Variants in NR3C2 observed in about 807,000 individuals in gnomAD.
NR3C2 encodes mineralocorticoid receptor.
NR3C2 carries 15 observed loss-of-function variants against 86.4 expected under a neutral mutation model. The ratio of observed to expected loss-of-function variants is 0.17; its 90% confidence interval spans 0.12 to 0.27. The LOEUF is 0.27. NR3C2 is among the 10% of genes least tolerant of loss of function. NR3C2 has a pLI of 1.00. For missense variants in NR3C2, 960 were observed against 1,195.6 expected (o/e 0.80, Z 2.91); for synonymous variants, 458 against 450.5 (o/e 1.02, Z -0.21).
At chr4:148,235,103 G>T (rs2149841238) in intron 3 of NR3C2, among the ~76,000 whole-genome samples, 1 of 152,082 alleles carries the variant, frequency 6.6e-6, no homozygotes. Flanking sequence ...AACTATTTAG[G>T]ACATTAAAAT....
intron 3 of NR3C2, among the ~76,000 whole-genome samples, chr4:148,202,477 C>T (rs796715988): frequency 2.6e-5 from 4 of 152,366 alleles, no homozygotes; most frequent in African/African-American, 9.6e-5. Context: ...CCTGATCCAG[C>T]TGTTCCCTTG....
intron 2 of NR3C2, among the ~76,000 whole-genome samples, chr4:148,332,225 A>T (rs1169275025): frequency 6.6e-6 from 1 of 152,234 alleles, no homozygotes; most frequent in Admixed American, 6.5e-5. Flanking sequence ...ATGTTCAATA[A>T]ATCTATGCAA....
At chr4:148,388,569 A>G (rs1208619990) in intron 2 of NR3C2, among the ~76,000 whole-genome samples, 1 of 152,220 alleles carries the variant, frequency 6.6e-6, no homozygotes, top group South Asian at 2.1e-4. Context: ...ACATCAAACT[A>G]TATCAACCAT....
chr4:148,276,346 T>C (rs1054934513), intron 2 of NR3C2, among the ~76,000 whole-genome samples: 6 of 152,292 alleles, frequency 3.9e-5, no homozygotes, highest in Admixed American at 3.3e-4. Context: ...GTTATTTATA[T>C]ACCTACAACT....
At chr4:148,334,966 T>G (rs1744407505) in intron 2 of NR3C2, among the ~76,000 whole-genome samples, 1 of 152,204 alleles carries the variant, frequency 6.6e-6, no homozygotes, top group Non-Finnish European at 1.5e-5. Context: ...CATCTTTACA[T>G]GACATTCTCG....
intron 3 of NR3C2, among the ~76,000 whole-genome samples, chr4:148,204,155 T>C (rs1041990050): frequency 3.3e-5 from 5 of 152,184 alleles, no homozygotes; most frequent in African/African-American, 1.2e-4. Context: ...TAAAAGATAA[T>C]CAAAGATAAT....
intron 4 of NR3C2, among the ~76,000 whole-genome samples, chr4:148,176,973 T>G (rs1045152332): frequency 6.6e-6 from 1 of 152,230 alleles, no homozygotes; most frequent in African/African-American, 2.4e-5. Context: ...GTTTCTTATT[T>G]TCATGACCTA....
intron 2 of NR3C2, among the ~76,000 whole-genome samples, chr4:148,268,518 TAAATACCTTGGAAAATAATTAA>T (rs1740511603): frequency 6.6e-6 from 1 of 152,188 alleles, no homozygotes; most frequent in African/African-American, 2.4e-5. Context: ...TTCGAGGAGA[TAAATACCTTGGAAAATAATTAA>T]AAATACCTTG....
intron 2 of NR3C2, among the ~76,000 whole-genome samples, chr4:148,408,032 A>G (rs909790581): frequency 5.3e-5 from 8 of 152,188 alleles, no homozygotes; most frequent in Non-Finnish European, 1.0e-4. Flanking sequence ...ACACACCCTT[A>G]GAAGAGCACT....
At chr4:148,385,447 C>T (rs1747213844) in intron 2 of NR3C2, among the ~76,000 whole-genome samples, 1 of 152,210 alleles carries the variant, frequency 6.6e-6, no homozygotes, top group African/African-American at 2.4e-5. Flanking sequence ...CTTAATTATT[C>T]ATTGTGACTC....
At chr4:148,155,352 A>G (rs1419381120) in intron 4 of NR3C2, among the ~76,000 whole-genome samples, 1 of 152,214 alleles carries the variant, frequency 6.6e-6, no homozygotes, top group African/African-American at 2.4e-5. Flanking sequence ...ATGATTGTAT[A>G]TCTAGAAAAC....
At chr4:148,111,556 T>A (rs1732046800) in intron 8 of NR3C2, among the ~76,000 whole-genome samples, 3 of 152,222 alleles carry the variant, frequency 2.0e-5, no homozygotes. Context: ...TGTAATAGCC[T>A]CCAAGCTGGT....
At chr4:148,357,198 TC>T in intron 2 of NR3C2, among the ~76,000 whole-genome samples, 1 of 152,114 alleles carries the variant, frequency 6.6e-6, no homozygotes, top group East Asian at 1.9e-4. Context: ...TACTTTTGAA[TC>T]AAAAAATACA....
intron 2 of NR3C2, among the ~76,000 whole-genome samples, chr4:148,428,525 A>G (rs1385910634): frequency 1.3e-5 from 2 of 152,196 alleles, no homozygotes; most frequent in African/African-American, 4.8e-5. Flanking sequence ...AAAAGAGTAG[A>G]TGCCAGTAAC....
chr4:148,407,746 A>G (rs1166757176), intron 2 of NR3C2, among the ~76,000 whole-genome samples: 1 of 152,142 alleles, frequency 6.6e-6, no homozygotes, highest in Non-Finnish European at 1.5e-5. Context: ...CCATTTTTAC[A>G]TTAGTTAGGA....
intron 3 of NR3C2, 156 bp downstream of exon 3, chr4:148,259,822 G>A (rs769876069): frequency 1.1e-6 from 1 of 899,442 alleles, no homozygotes; most frequent in Admixed American, 2.4e-5. Context: ...AAAATCTCCA[G>A]GTGGTTTTTA....
chr4:148,363,566 C>T (rs1468659423), intron 2 of NR3C2, among the ~76,000 whole-genome samples: 3 of 131,608 alleles, frequency 2.3e-5, no homozygotes, highest in Non-Finnish European at 4.7e-5. Flanking sequence ...TGCAGTGGCG[C>T]TATCTCAGCT....
At chr4:148,251,493 TG>T (rs1372348110) in intron 3 of NR3C2, among the ~76,000 whole-genome samples, 1 of 152,130 alleles carries the variant, frequency 6.6e-6, no homozygotes, top group East Asian at 1.9e-4. Flanking sequence ...CTAGGACTCT[TG>T]GGTATGGTTT....
chr4:148,123,300 C>T (rs1732597980), intron 6 of NR3C2, among the ~76,000 whole-genome samples: 1 of 152,228 alleles, frequency 6.6e-6, no homozygotes, highest in South Asian at 2.1e-4. Context: ...TTTATCAAGG[C>T]AATACATGCA....
Sources: gnomAD v4.1 joint callset for allele counts (sites outside exome capture counted in the v4.1 genomes callset) on GRCh38, gnomAD v4.1.1 for gene constraint, MANE v1.5 for transcripts, NCBI Gene and HGNC (gene_info 2026-07-23, HGNC 2026-07-21) for gene names.